The following CDH13 variants were observed in gnomAD, a reference collection of about 807,000 sequenced individuals.
CDH13 encodes cadherin 13.
CDH13 carries 24 observed loss-of-function variants against 63.8 expected under a neutral mutation model. The ratio of observed to expected loss-of-function variants is 0.38; its 90% CI spans 0.27 to 0.53. CDH13 has a LOEUF of 0.53. Among genes scored for constraint, CDH13 ranks in the 20% least tolerant of loss-of-function variants. The pLI is 0.85. For missense variants in CDH13, 1,049 were observed against 903.1 expected (o/e 1.16, Z -2.07); for synonymous variants, 503 against 355.3 (o/e 1.42, Z -4.67).
intron 4 of CDH13, among the ~76,000 whole-genome samples, chr16:83,169,583 C>G (rs963590180): frequency 1.1e-4 from 16 of 150,442 alleles, no homozygotes; most frequent in African/African-American, 3.4e-4. Context: ...TTCTCCATGT[C>G]TTGGGAAGCA....
chr16:82,964,997 A>T (rs1907599722), intron 2 of CDH13, among the ~76,000 whole-genome samples: 1 of 152,252 alleles, frequency 6.6e-6, no homozygotes, highest in African/African-American at 2.4e-5. Context: ...TGGAAGCACC[A>T]GGTGATGTAA....
intron 1 of CDH13, among the ~76,000 whole-genome samples, chr16:82,637,058 G>C (rs188768536): frequency 1.3e-5 from 2 of 152,312 alleles, no homozygotes; most frequent in East Asian, 3.9e-4. Flanking sequence ...ATGCAGGGAA[G>C]TCCAATTTGC....
At chr16:83,344,278 C>G (rs919168887) in intron 5 of CDH13, among the ~76,000 whole-genome samples, 1 of 152,252 alleles carries the variant, frequency 6.6e-6, no homozygotes, top group East Asian at 1.9e-4. Context: ...AAGTAGTTCC[C>G]TATGGAAGTG....
chr16:83,599,078 T>C (rs35464291), intron 7 of CDH13, among the ~76,000 whole-genome samples: 32,248 of 152,086 alleles, frequency 0.21, 3,845 homozygotes, highest in African/African-American at 0.31. Context: ...GTACCTGTAC[T>C]GAGGGTGAGG....
chr16:82,908,901 A>G (rs1199275839), intron 2 of CDH13, among the ~76,000 whole-genome samples: 1 of 152,236 alleles, frequency 6.6e-6, no homozygotes. Context: ...TTGAAAATAC[A>G]GTATTCATAA....
At chr16:83,751,704 G>A (rs1271456245) in intron 11 of CDH13, among the ~76,000 whole-genome samples, 2 of 152,190 alleles carry the variant, frequency 1.3e-5, no homozygotes, top group Non-Finnish European at 2.9e-5. Context: ...GACCAGAGGG[G>A]AAGAACCTAG....
At chr16:82,773,904 C>T (rs561783097) in intron 1 of CDH13, among the ~76,000 whole-genome samples, 15 of 152,024 alleles carry the variant, frequency 9.9e-5, no homozygotes, top group Non-Finnish European at 1.9e-4. Context: ...CTGCTTCAGC[C>T]TCCCAAGTAG....
At chr16:82,901,661 T>G (rs1313604605) in intron 2 of CDH13, among the ~76,000 whole-genome samples, 2 of 152,132 alleles carry the variant, frequency 1.3e-5, no homozygotes, top group South Asian at 2.1e-4. Flanking sequence ...ATTGATTGGA[T>G]TAAATGGATT....
intron 8 of CDH13, among the ~76,000 whole-genome samples, chr16:83,662,260 G>A (rs1913506398): frequency 6.6e-6 from 1 of 152,118 alleles, no homozygotes; most frequent in Non-Finnish European, 1.5e-5. Context: ...CATTTAACTG[G>A]GAAGACTCTG....
chr16:83,067,581 T>G (rs1025032810), intron 3 of CDH13, among the ~76,000 whole-genome samples: 1 of 152,222 alleles, frequency 6.6e-6, no homozygotes, highest in Non-Finnish European at 1.5e-5. Flanking sequence ...CTAAGGTTCA[T>G]GATCGAAGAA....
At chr16:82,733,465 G>T (rs2033507411) in intron 1 of CDH13, among the ~76,000 whole-genome samples, 2 of 152,222 alleles carry the variant, frequency 1.3e-5, no homozygotes, top group South Asian at 4.2e-4. Flanking sequence ...ATCTTCTCTG[G>T]GAAGAATACT....
intron 5 of CDH13, among the ~76,000 whole-genome samples, chr16:83,244,813 T>C (rs545082774): frequency 6.6e-5 from 10 of 152,238 alleles, no homozygotes; most frequent in African/African-American, 2.2e-4. Context: ...GAGTATAAAA[T>C]GCTGTCTAAT....
At chr16:83,160,569 T>C (rs2151710119) in intron 4 of CDH13, among the ~76,000 whole-genome samples, 1 of 152,316 alleles carries the variant, frequency 6.6e-6, no homozygotes, top group East Asian at 1.9e-4. Flanking sequence ...ACTGTCAATG[T>C]GGTGCTCGTG....
In CDH13 at chr16:82,963,707, C is replaced by A. The variant is rs145805495; in HGVS notation, c.158-68303C>A. On this transcript the variant is annotated intron_variant, in intron 2 of 13. Coordinates refer to ENST00000567109, the MANE Select transcript of CDH13 (RefSeq NM_001257.5). The stretch of plus-strand genomic sequence containing the variant: ...TAAATCCTCAACACCTGTTACAATT[C>A]CCAGTGTACAGTAAGCAGTCCATAA... Among the ~76,000 whole-genome samples the A allele has an allele frequency of 7.9e-5, 12 of 152,308 alleles. No homozygotes were observed. In the East Asian group the frequency reaches 2.1e-3, roughly 27 times the overall value.
At chr16:83,689,954 G>A (rs138290803) in intron 10 of CDH13, among the ~76,000 whole-genome samples, 117 of 152,330 alleles carry the variant, frequency 7.7e-4, no homozygotes, top group African/African-American at 2.8e-3. Context: ...GGGAGGCCAA[G>A]GTGGGTGGAT....
intron 2 of CDH13, among the ~76,000 whole-genome samples, chr16:82,938,454 A>G (rs2042734858): frequency 6.6e-6 from 1 of 152,204 alleles, no homozygotes; most frequent in South Asian, 2.1e-4. Context: ...GGTAATTTCA[A>G]TACTGAGCTT....
chr16:83,687,639 A>G lies in CDH13; in HGVS notation c.1538+9178A>G, dbSNP rs568159893. Among the ~76,000 whole-genome samples the G allele has an allele frequency of 6.6e-5, 10 of 152,332 alleles. No individual in the cohort carries two copies. In the South Asian group the frequency reaches 1.9e-3, roughly 28 times the overall value. On this transcript the variant is annotated intron_variant, in intron 10 of 13. Coordinates refer to ENST00000567109, the MANE Select transcript of CDH13 (RefSeq NM_001257.5). ...ACATCATAGGTTTTGTTTTCTTTTA[A>G]TCTTCAAACATTGACTAATGTCTAC...
chr16:82,921,761 T>A (rs1236548719), intron 2 of CDH13, among the ~76,000 whole-genome samples: 1 of 152,184 alleles, frequency 6.6e-6, no homozygotes, highest in Non-Finnish European at 1.5e-5. Context: ...AGTGGCCTCA[T>A]AGAATGAGTT....
chr16:83,727,163 C>G (rs1367680373), intron 10 of CDH13, among the ~76,000 whole-genome samples: 16 of 152,098 alleles, frequency 1.1e-4, no homozygotes, highest in Admixed American at 3.3e-4. Context: ...CCCCATCCCC[C>G]TTAACCGTTA....
Sources: allele counts gnomAD v4.1 joint callset (sites outside exome capture counted in the v4.1 genomes callset), GRCh38; gene constraint gnomAD v4.1.1; transcripts MANE v1.5; gene names NCBI Gene and HGNC (gene_info 2026-07-23, HGNC 2026-07-21).